MAGI2: variants seen among roughly 807,000 people sequenced by gnomAD.
The protein encoded by MAGI2 is membrane associated guanylate kinase, WW and PDZ domain containing 2, also known as membrane-associated guanylate kinase, WW and PDZ domain-containing protein 2.
MAGI2 carries 35 observed loss-of-function variants against 133.3 expected under a neutral mutation model. That is an observed-to-expected ratio of 0.26 (90% confidence interval 0.20 to 0.35). The LOEUF is 0.35. MAGI2 is among the 10% of genes least tolerant of loss of function. The probability of loss-of-function intolerance (pLI) is 1.00; values close to 1 mark genes in which losing one functional copy is unlikely to be tolerated. For synonymous variants in MAGI2, 729 were observed against 710.6 expected, an observed-to-expected ratio of 1.03 and a Z score of -0.41; for missense variants, 1,636 against 1,863.4, an observed-to-expected ratio of 0.88 and a Z score of 2.25.
chr7:79,201,348 G>A (rs373545752), intron 1 of MAGI2, among the ~76,000 whole-genome samples: 1 of 151,932 alleles, frequency 6.6e-6, no homozygotes, highest in Non-Finnish European at 1.5e-5. Flanking sequence ...GTTTATGAGG[G>A]TTTTATGTGA....
chr7:78,678,554 T>C (rs1198383882), intron 2 of MAGI2, among the ~76,000 whole-genome samples: 1 of 152,162 alleles, frequency 6.6e-6, no homozygotes, highest in Admixed American at 6.6e-5. Flanking sequence ...GGATGATAAG[T>C]TATATGGTCA....
At chr7:79,059,071 G>A (rs143890379) in intron 1 of MAGI2, among the ~76,000 whole-genome samples, 1 of 151,904 alleles carries the variant, frequency 6.6e-6, no homozygotes, top group East Asian at 1.9e-4. Context: ...GTATTAGGTT[G>A]GTGCATTACC....
At chr7:78,435,251 G>A (rs1800169707) in intron 6 of MAGI2, among the ~76,000 whole-genome samples, 1 of 152,170 alleles carries the variant, frequency 6.6e-6, no homozygotes, top group African/African-American at 2.4e-5. Flanking sequence ...CTAAATGCCA[G>A]TTAGTATTAT....
Position 78,167,772 on chromosome 7 carries a change from T to C in MAGI2, c.2596+144A>G, listed in dbSNP as rs530697571. The C allele has an allele frequency of 1.2e-5, 9 of 746,490 alleles. No individual in the cohort carries two copies. The African/African-American group carries it at 1.6e-4, about 13-fold the overall frequency. The allele number at this position is 746,490 out of a possible 1,614,324, so 46.2% of individuals were successfully genotyped here. On this transcript the variant is annotated intron_variant, in intron 15 of 21. Coordinates refer to ENST00000354212, the MANE Select transcript of MAGI2 (RefSeq NM_012301.4). ...AAAATCAGCACTTTCAAAATCATCA[T>C]TACTTTTGGAATATCTAGGTTGTTT...
chr7:79,410,217 A>T (rs370696166), intron 1 of MAGI2: 3 of 152,138 alleles, frequency 2.0e-5, no homozygotes, highest in East Asian at 3.8e-4. Flanking sequence ...TTAAATTAGA[A>T]TGTATTTATA....
chr7:79,286,080 A>G (rs948764916), intron 1 of MAGI2, among the ~76,000 whole-genome samples: 14 of 152,142 alleles, frequency 9.2e-5, no homozygotes, highest in African/African-American at 2.9e-4. Context: ...CTTTCCTGGA[A>G]TGAGGGGAAG....
intron 2 of MAGI2, among the ~76,000 whole-genome samples, chr7:78,715,004 G>A (rs1300861741): frequency 6.6e-6 from 1 of 152,162 alleles, no homozygotes; most frequent in Admixed American, 6.5e-5. Flanking sequence ...AATAGTTCAT[G>A]ATGAGACCTC....
At position 78,019,006 on chromosome 7, in the gene MAGI2, AT is replaced by A. The variant is rs1057410116; in HGVS notation, c.*308del. ...AGTCCTTCATGCAGTGGGGAGGAAT[AT>A]TTTTTTTTCTTAAACTAAAGCTACA... is the stretch of plus-strand genomic sequence containing the variant. On this transcript the variant is annotated 3_prime_UTR_variant, in exon 22 of 22. Coordinates refer to ENST00000354212, the MANE Select transcript of MAGI2 (RefSeq NM_012301.4). 4.6e-5 allele frequency: 18 copies of A among 394,192 alleles called. No homozygotes were observed. The highest frequency in any genetic ancestry group is 1.2e-4 in the South Asian group (1 of 8,416). The allele number at this position is 394,192 out of a possible 1,614,324, so 24.4% of individuals were successfully genotyped here.
intron 9 of MAGI2, among the ~76,000 whole-genome samples, chr7:78,298,289 TGTG>T (rs765997265): frequency 2.0e-4 from 31 of 152,134 alleles, no homozygotes; most frequent in South Asian, 4.1e-4. Flanking sequence ...CTAAATGTAA[TGTG>T]GTATCCTGGA....
chr7:79,193,023 A>G (rs1364847427), intron 1 of MAGI2, among the ~76,000 whole-genome samples: 1 of 151,792 alleles, frequency 6.6e-6, no homozygotes, highest in Non-Finnish European at 1.5e-5. Context: ...TTTGGGATGT[A>G]AAATCTCAAA....
In MAGI2 at chr7:78,620,662, A is replaced by G. The variant is rs1009234419; in HGVS notation, c.538+6458T>C. 3.9e-5 allele frequency among the ~76,000 whole-genome samples: 6 copies of G among 152,046 alleles called. 1 individual carries two copies. Among genetic ancestry groups the G allele is most frequent in the African/African-American group, 1.4e-4 (6 of 41,502 alleles). ...GAAATCACATCATTAGGAGGAGGGA[A>G]ATGTCGTATTTGTACTATGTTGTGT... On this transcript the variant is annotated intron_variant, in intron 3 of 21. Coordinates refer to ENST00000354212, the MANE Select transcript of MAGI2 (RefSeq NM_012301.4).
At chr7:78,426,523 G>T (rs1433998644) in intron 6 of MAGI2, among the ~76,000 whole-genome samples, 2 of 152,010 alleles carry the variant, frequency 1.3e-5, no homozygotes, top group Admixed American at 6.6e-5. Context: ...GAGTTAGTGG[G>T]TGCAGCGCAC....
intron 6 of MAGI2, among the ~76,000 whole-genome samples, chr7:78,455,371 T>G (rs1025126546): frequency 6.6e-6 from 1 of 152,164 alleles, no homozygotes; most frequent in African/African-American, 2.4e-5. Context: ...CATTTTATCC[T>G]ATTAATAGTT....
At chr7:78,941,330 A>G (rs1187458090) in intron 2 of MAGI2, among the ~76,000 whole-genome samples, 1 of 152,036 alleles carries the variant, frequency 6.6e-6, no homozygotes, top group Non-Finnish European at 1.5e-5. Flanking sequence ...CAACACATAC[A>G]AGGTAATTTC....
chr7:79,050,973 T>A lies in MAGI2; in HGVS notation c.302-43767A>T, dbSNP rs960325583. Among the ~76,000 whole-genome samples, 28 of 152,168 alleles carry A rather than the reference T, an allele frequency of 1.8e-4. 1 individual carries two copies. Among genetic ancestry groups the A allele is most frequent in the Non-Finnish European group, 3.8e-4 (26 of 68,002 alleles). ...GGAAAAGAGTACTCTGAGACCATGA[T>A]AAAAGGAGACAAAACATGCTACTTA... On this transcript the variant is annotated intron_variant, in intron 1 of 21. Transcript: ENST00000354212.
chr7:79,058,150 C>A (rs138104821), intron 1 of MAGI2, among the ~76,000 whole-genome samples: 3 of 151,780 alleles, frequency 2.0e-5, no homozygotes, highest in Admixed American at 1.3e-4. Context: ...AGGCAAAAGA[C>A]CAGGGAAAAT....
chr7:79,168,762 G>A (rs78838344), intron 1 of MAGI2, among the ~76,000 whole-genome samples: 7,676 of 151,724 alleles, frequency 0.051, 316 homozygotes, highest in African/African-American at 0.11. Context: ...TTCTTCATAG[G>A]TGATACTGAT....
chr7:79,303,108 G>A (rs1002589600), intron 1 of MAGI2, among the ~76,000 whole-genome samples: 2 of 152,062 alleles, frequency 1.3e-5, no homozygotes, highest in Non-Finnish European at 2.9e-5. Flanking sequence ...TTATAATTAA[G>A]CACCATATAC....
chr7:78,309,568 T>C (rs1250947357), intron 9 of MAGI2, among the ~76,000 whole-genome samples: 1 of 148,180 alleles, frequency 6.7e-6, no homozygotes, highest in Admixed American at 6.8e-5. Flanking sequence ...GCATAGTGGG[T>C]ACTATGCTCA....
Sources: gnomAD v4.1 joint callset for allele counts (sites outside exome capture counted in the v4.1 genomes callset) on GRCh38, gnomAD v4.1.1 for gene constraint, MANE v1.5 for transcripts, NCBI Gene and HGNC (gene_info 2026-07-23, HGNC 2026-07-21) for gene names.